The following DIS3L2 variants were observed in gnomAD, a reference collection of about 807,000 sequenced individuals.
The protein encoded by DIS3L2 is DIS3 like 3'-5' exoribonuclease 2.
In DIS3L2, 34 loss-of-function variants were observed where a neutral mutation model predicts 97.5. The ratio of observed to expected loss-of-function variants is 0.35; its 90% CI spans 0.27 to 0.46. The LOEUF (loss-of-function observed/expected upper bound fraction) is 0.46, where lower values mean the gene tolerates loss of function less well. Among genes scored for constraint, DIS3L2 ranks in the 20% least tolerant of loss-of-function variants. The probability of loss-of-function intolerance (pLI) is 1.00; values close to 1 mark genes in which losing one functional copy is unlikely to be tolerated. For synonymous variants in DIS3L2, 435 were observed against 445.2 expected, an observed-to-expected ratio of 0.98 and a Z score of 0.29; for missense variants, 1,038 against 1,146.0, an observed-to-expected ratio of 0.91 and a Z score of 1.36.
intron 13 of DIS3L2, among the ~76,000 whole-genome samples, chr2:232,288,179 C>G (rs1016795341): frequency 8.5e-5 from 13 of 152,122 alleles, no homozygotes; most frequent in African/African-American, 3.1e-4. Context: ...AATATGTTAT[C>G]CAGATATTTG....
At chr2:231,999,968 C>G (rs548665799) in intron 1 of DIS3L2, among the ~76,000 whole-genome samples, 65 of 152,198 alleles carry the variant, frequency 4.3e-4, no homozygotes, top group Middle Eastern at 6.8e-3. Flanking sequence ...AAAATACACT[C>G]TCTTAGCAAT....
chr2:232,331,899 C>T (rs149554038), intron 16 of DIS3L2: 7,590 of 152,350 alleles, frequency 0.05, 230 homozygotes, highest in Admixed American at 0.091. Context: ...TGCCCTTGCC[C>T]GGGAATCCGA....
intron 12 of DIS3L2, among the ~76,000 whole-genome samples, chr2:232,262,127 T>C (rs1693725184): frequency 6.6e-6 from 1 of 152,120 alleles, no homozygotes; most frequent in Non-Finnish European, 1.5e-5. Context: ...TTCTACTGTT[T>C]TCATTCCCTG....
chr2:232,316,672 C>T (rs184267083), intron 14 of DIS3L2, among the ~76,000 whole-genome samples: 9 of 152,326 alleles, frequency 5.9e-5, no homozygotes, highest in African/African-American at 2.2e-4. Context: ...GCCCACAGGC[C>T]CTGCTTCTGC....
chr2:232,187,053 T>C (rs1691458852), intron 9 of DIS3L2, among the ~76,000 whole-genome samples: 1 of 152,146 alleles, frequency 6.6e-6, no homozygotes, highest in East Asian at 1.9e-4. Flanking sequence ...TTAATATATC[T>C]AGAATACATA....
intron 6 of DIS3L2, chr2:232,111,343 G>A (rs1030044498): frequency 2.2e-6 from 1 of 452,042 alleles, no homozygotes; most frequent in South Asian, 1.6e-5. Flanking sequence ...AGCACATCAT[G>A]GACATTGTTC....
At chr2:232,182,494 T>TA (rs1691318401) in intron 9 of DIS3L2, among the ~76,000 whole-genome samples, 1 of 152,224 alleles carries the variant, frequency 6.6e-6, no homozygotes, top group Admixed American at 6.5e-5. Flanking sequence ...GTTTATTTTT[T>TA]ATCTCTGTTA....
chr2:232,211,497 A>G (rs1692189730), intron 10 of DIS3L2, among the ~76,000 whole-genome samples: 1 of 152,020 alleles, frequency 6.6e-6, no homozygotes, highest in African/African-American at 2.4e-5. Flanking sequence ...GTTTTTACCT[A>G]CTTCTTGCCC....
chr2:232,312,594 A>G (rs185812134), intron 14 of DIS3L2, among the ~76,000 whole-genome samples: 4 of 152,338 alleles, frequency 2.6e-5, no homozygotes, highest in East Asian at 1.9e-4. Context: ...TTCCATTTCC[A>G]TATAGATTTT....
chr2:232,135,546 AAG>A (rs1351203438), intron 7 of DIS3L2, among the ~76,000 whole-genome samples: 3 of 152,154 alleles, frequency 2.0e-5, no homozygotes, highest in Non-Finnish European at 4.4e-5. Flanking sequence ...GGGAAGAAGG[AAG>A]AGTTAAGAGG....
chr2:232,186,790 T>C (rs1214235866), intron 9 of DIS3L2, among the ~76,000 whole-genome samples: 1 of 152,216 alleles, frequency 6.6e-6, no homozygotes, highest in Non-Finnish European at 1.5e-5. Flanking sequence ...CAAAACCAAT[T>C]AATGTATCAT....
At chr2:232,061,166 T>C (rs968789387) in intron 5 of DIS3L2, among the ~76,000 whole-genome samples, 2 of 152,210 alleles carry the variant, frequency 1.3e-5, no homozygotes, top group African/African-American at 4.8e-5. Context: ...TTGCTCTAGC[T>C]AGGACTTCCC....
At chr2:232,308,513 A>G (rs1275604019) in intron 14 of DIS3L2, among the ~76,000 whole-genome samples, 1 of 152,188 alleles carries the variant, frequency 6.6e-6, no homozygotes, top group Non-Finnish European at 1.5e-5. Context: ...CTTGAAACAC[A>G]CATCATTAAA....
At chr2:232,020,300 AG>A (rs1694476600) in intron 3 of DIS3L2, among the ~76,000 whole-genome samples, 2 of 152,142 alleles carry the variant, frequency 1.3e-5, no homozygotes, top group African/African-American at 4.8e-5. Flanking sequence ...AGATGAATAG[AG>A]TGGAAGCTGA....
intron 13 of DIS3L2, among the ~76,000 whole-genome samples, chr2:232,298,895 CT>C (rs1274390734): frequency 6.6e-6 from 1 of 152,218 alleles, no homozygotes; most frequent in Non-Finnish European, 1.5e-5. Context: ...GCACTGCCCT[CT>C]GGAATCCAGA....
In DIS3L2 at chr2:232,334,619, C is replaced by T. The variant is rs1433366811; in HGVS notation, c.2290-12C>T. 4 of 1,604,432 alleles carry T rather than the reference C, an allele frequency of 2.5e-6. No individual in the cohort carries two copies. The highest frequency in any genetic ancestry group is 3.4e-6 in the Non-Finnish European group (4 of 1,175,856). On this transcript the variant is annotated splice_polypyrimidine_tract_variant and intron_variant, in intron 18 of 20. Coordinates refer to ENST00000325385, the MANE Select transcript of DIS3L2 (RefSeq NM_152383.5). ...GCCAGGAGGTGCCATGGCTGCAGCA[C>T]TGTCCCTGCAGGAGAGTGGCCCCCT...
At chr2:232,202,847 C>T (rs139492706) in intron 9 of DIS3L2, among the ~76,000 whole-genome samples, 1 of 152,210 alleles carries the variant, frequency 6.6e-6, no homozygotes, top group African/African-American at 2.4e-5. Context: ...AGTAGAAGTG[C>T]GTGAAACAGT....
chr2:232,110,803 A>G (rs544792467), intron 6 of DIS3L2, among the ~76,000 whole-genome samples: 1 of 152,292 alleles, frequency 6.6e-6, no homozygotes, highest in Non-Finnish European at 1.5e-5. Context: ...CACCATGGTC[A>G]CCATGTGACC....
chr2:232,196,817 A>G (rs975474416), intron 9 of DIS3L2, among the ~76,000 whole-genome samples: 10 of 151,716 alleles, frequency 6.6e-5, no homozygotes, highest in Admixed American at 4.6e-4. Flanking sequence ...TGCCATAACA[A>G]TCATACAGTT....
Sources: allele counts gnomAD v4.1 joint callset (sites outside exome capture counted in the v4.1 genomes callset), GRCh38; gene constraint gnomAD v4.1.1; transcripts MANE v1.5; gene names NCBI Gene and HGNC (gene_info 2026-07-23, HGNC 2026-07-21).